Variants in SEZ6L observed in about 807,000 individuals in gnomAD.
SEZ6L encodes the protein seizure 6-like protein.
Under a neutral mutation model 106.2 loss-of-function variants are expected in SEZ6L, and 37 were observed. The observed-to-expected ratio is 0.35, with a 90% CI of 0.27 to 0.46. SEZ6L has a LOEUF of 0.46. Among genes scored for constraint, SEZ6L ranks in the 20% least tolerant of loss-of-function variants. SEZ6L has a pLI of 1.00. For missense variants in SEZ6L, 1,172 were observed against 1,332.8 expected (o/e 0.88, Z 1.88); for synonymous variants, 541 against 570.4 (o/e 0.95, Z 0.73).
chr22:26,284,452 T>C (rs548648803), intron 1 of SEZ6L, among the ~76,000 whole-genome samples: 51 of 151,890 alleles, frequency 3.4e-4, no homozygotes, highest in African/African-American at 1.2e-3. Flanking sequence ...ACTAAAAATA[T>C]AAAAAATATT....
intron 1 of SEZ6L, among the ~76,000 whole-genome samples, chr22:26,287,617 C>T (rs2080979565): frequency 6.6e-6 from 1 of 152,162 alleles, no homozygotes; most frequent in African/African-American, 2.4e-5. Flanking sequence ...TCTTCTCTAT[C>T]TGGACATCAT....
At chr22:26,299,629 G>A (rs745736824) in intron 5 of SEZ6L, among the ~76,000 whole-genome samples, 62 of 152,186 alleles carry the variant, frequency 4.1e-4, no homozygotes, top group Non-Finnish European at 5.9e-4. Context: ...TTCAAAGTTC[G>A]TGTATGTTGT....
chr22:26,234,048 T>G (rs1481774329), intron 1 of SEZ6L, among the ~76,000 whole-genome samples: 1 of 152,092 alleles, frequency 6.6e-6, no homozygotes, highest in Non-Finnish European at 1.5e-5. Flanking sequence ...CTGATGCCAA[T>G]GTAGGAGTTT....
rs553223684 is a variant in SEZ6L, at chr22:26,256,852, T to C, written c.95-35554T>C. Among the ~76,000 whole-genome samples the C allele has an allele frequency of 3.2e-3, 494 of 152,270 alleles. 11 individuals carry two copies. Among genetic ancestry groups the C allele is most frequent in the Admixed American group, 4.7e-3 (72 of 15,290 alleles). On this transcript the variant is annotated intron_variant, in intron 1 of 16. Transcript: ENST00000248933. ...CACTCAAGCCTGACATCTACTGCCATGGAGGGAGTTTGTCATCGGCTGAGA... is the reference window on the plus strand; with the variant it reads ...CACTCAAGCCTGACATCTACTGCCACGGAGGGAGTTTGTCATCGGCTGAGA...
chr22:26,283,745 G>A (rs1014241378), intron 1 of SEZ6L, among the ~76,000 whole-genome samples: 13 of 152,024 alleles, frequency 8.6e-5, no homozygotes, highest in African/African-American at 1.2e-4. Flanking sequence ...CATAATAAAC[G>A]AGAATGCTAA....
chr22:26,229,919 T>C (rs1253367009), intron 1 of SEZ6L, among the ~76,000 whole-genome samples: 1 of 152,206 alleles, frequency 6.6e-6, no homozygotes, highest in African/African-American at 2.4e-5. Context: ...CCAGAAGAAA[T>C]GGAAGGCCCA....
At chr22:26,294,503 C>T in intron 3 of SEZ6L, 78 bp downstream of exon 3, 1 of 1,469,414 alleles carries the variant, frequency 6.8e-7, no homozygotes, top group Non-Finnish European at 9.4e-7. Context: ...GTCAGGCTTA[C>T]TGTTATGCTA....
At chr22:26,272,828 C>T (rs144219768) in intron 1 of SEZ6L, among the ~76,000 whole-genome samples, 108 of 152,302 alleles carry the variant, frequency 7.1e-4, no homozygotes, top group African/African-American at 2.5e-3. Flanking sequence ...TAATGGGGCT[C>T]ATATCAGACA....
At chr22:26,224,340 C>T (rs1458577240) in intron 1 of SEZ6L, among the ~76,000 whole-genome samples, 2 of 152,296 alleles carry the variant, frequency 1.3e-5, no homozygotes, top group East Asian at 1.9e-4. Flanking sequence ...AGGAGTCAGC[C>T]TGGCAGGGCC....
chr22:26,364,709 C>CATCTCCA (rs2083748830), intron 12 of SEZ6L: 1 of 152,328 alleles, frequency 6.6e-6, no homozygotes. Context: ...CTGATAGGCT[C>CATCTCCA]ATCTCCAATG....
chr22:26,174,215 A>G (rs1195932027), intron 1 of SEZ6L, among the ~76,000 whole-genome samples: 2 of 152,110 alleles, frequency 1.3e-5, no homozygotes, highest in African/African-American at 4.8e-5. Flanking sequence ...TGGTCAGTGA[A>G]GGCTTCCTGG....
rs116517301 is a variant in SEZ6L at position 26,246,828 on chromosome 22, A to C, written c.95-45578A>C. 8.2e-3 allele frequency among the ~76,000 whole-genome samples: 1,249 copies of C among 152,280 alleles called. 21 individuals are homozygous for C. The highest frequency in any genetic ancestry group is 0.028 in the African/African-American group (1,175 of 41,552). On this transcript the variant is annotated intron_variant, in intron 1 of 16. Coordinates refer to ENST00000248933, the MANE Select transcript of SEZ6L (RefSeq NM_021115.5). ...ATTAGAGCTATTAATAACCCCCTTC[A>C]TTAGCACAGTACTTTGGAACTTCCA...
Position 26,357,595 on chromosome 22 carries a change from G to A in SEZ6L, c.2599+6352G>A, listed in dbSNP as rs767402430. On this transcript the variant is annotated intron_variant, in intron 12 of 16. Transcript: ENST00000248933. ...ATTGAAATGATCTGTTTATATGTTT[G>A]TAGAATCACATTCCCTAGAGTAAGA... Among the ~76,000 whole-genome samples, 10 of 152,120 alleles carry A rather than the reference G, an allele frequency of 6.6e-5. 1 individual carries two copies. The highest frequency in any genetic ancestry group is 1.3e-4 in the Non-Finnish European group (9 of 68,022).
intron 1 of SEZ6L, among the ~76,000 whole-genome samples, chr22:26,182,304 G>A (rs899547309): frequency 4.6e-5 from 7 of 152,208 alleles, no homozygotes; most frequent in African/African-American, 1.7e-4. Context: ...CAGATAGTCA[G>A]CAGGTGCTCA....
At chr22:26,199,366 A>G (rs541093985) in intron 1 of SEZ6L, among the ~76,000 whole-genome samples, 1 of 152,294 alleles carries the variant, frequency 6.6e-6, no homozygotes, top group African/African-American at 2.4e-5. Context: ...TTTTTTCAGA[A>G]TAGAAAGCCT....
At chr22:26,195,269 T>C (rs1940502913) in intron 1 of SEZ6L, among the ~76,000 whole-genome samples, 1 of 152,156 alleles carries the variant, frequency 6.6e-6, no homozygotes. Flanking sequence ...GTGATGAAAG[T>C]GTGGTAAAAC....
rs192283519 is a variant in SEZ6L at position 26,292,812 on chromosome 22, G to A, written c.501G>A (p.Pro167=). 2.0e-5 allele frequency: 32 copies of A among 1,613,886 alleles called. No individual in the cohort carries two copies. The highest frequency in any genetic ancestry group is 1.9e-4 in the African/African-American group (14 of 75,062). The change falls in exon 2 of 17, where the codon CCG becomes CCA. Residue 167 remains proline (P), a synonymous_variant. Transcript: ENST00000248933. ...LSSSTEKPGP[P]GDPDPIVASE... The stretch of plus-strand genomic sequence containing the variant: ...CCTCCACGGAGAAGCCTGGCCCACC[G>A]GGGGACCCGGACCCCATCGTGGCCT...
chr22:26,372,599 TC>T (rs2084076470), intron 13 of SEZ6L, among the ~76,000 whole-genome samples: 3 of 152,104 alleles, frequency 2.0e-5, no homozygotes, highest in Admixed American at 6.6e-5. Flanking sequence ...CTCCCTCCTA[TC>T]CCCTAATGCT....
intron 6 of SEZ6L, among the ~76,000 whole-genome samples, chr22:26,308,756 A>C (rs996984339): frequency 6.6e-6 from 1 of 152,234 alleles, no homozygotes. Context: ...ATGTATTACT[A>C]TTGCAGACAT....
Sources: gnomAD v4.1 joint callset for allele counts (sites outside exome capture counted in the v4.1 genomes callset) on GRCh38, gnomAD v4.1.1 for gene constraint, MANE v1.5 for transcripts, NCBI Gene and HGNC (gene_info 2026-07-23, HGNC 2026-07-21) for gene names.